The following SPAG16 variants were observed in gnomAD, a reference collection of about 807,000 sequenced individuals.
The protein encoded by SPAG16 is sperm-associated antigen 16 protein.
Under a neutral mutation model 80.4 loss-of-function variants are expected in SPAG16, and 86 were observed. That is an observed-to-expected ratio of 1.07 (90% CI 0.90 to 1.28). The LOEUF (loss-of-function observed/expected upper bound fraction) is 1.28. SPAG16 is among the 50% of genes most tolerant of loss of function. The pLI is 0.00. For synonymous variants in SPAG16, 294 were observed against 265.9 expected (o/e 1.11, Z -1.03); for missense variants, 870 against 765.3 (o/e 1.14, Z -1.61).
At chr2:214,200,741 T>A (rs1003295854) in intron 15 of SPAG16, among the ~76,000 whole-genome samples, 12 of 152,180 alleles carry the variant, frequency 7.9e-5, no homozygotes, top group African/African-American at 2.9e-4. Flanking sequence ...AATTCAAAGT[T>A]TATAAATTCG....
intron 10 of SPAG16, among the ~76,000 whole-genome samples, chr2:213,540,988 C>T (rs1214594945): frequency 6.6e-6 from 1 of 152,236 alleles, no homozygotes; most frequent in East Asian, 1.9e-4. Context: ...CACGCAGGTG[C>T]ACTCGTAGAG....
chr2:213,687,888 A>T (rs2064760634), intron 10 of SPAG16, among the ~76,000 whole-genome samples: 2 of 152,176 alleles, frequency 1.3e-5, no homozygotes, highest in South Asian at 4.1e-4. Flanking sequence ...TGACAAAAAG[A>T]TTCAAACTCT....
intron 12 of SPAG16, among the ~76,000 whole-genome samples, chr2:213,935,686 A>AT (rs2078959006): frequency 1.3e-5 from 2 of 152,212 alleles, no homozygotes; most frequent in Non-Finnish European, 2.9e-5. Flanking sequence ...AAGGATTTAA[A>AT]TTTTATGTTA....
chr2:214,001,027 A>G (rs146445327), intron 12 of SPAG16, among the ~76,000 whole-genome samples: 127 of 152,296 alleles, frequency 8.3e-4, no homozygotes, highest in African/African-American at 2.5e-3. Flanking sequence ...GATCTCTTTC[A>G]GGAGGTAGAT....
At chr2:213,690,456 C>A (rs1334794118) in intron 10 of SPAG16, among the ~76,000 whole-genome samples, 1 of 152,182 alleles carries the variant, frequency 6.6e-6, no homozygotes, top group Non-Finnish European at 1.5e-5. Context: ...TACCTAATCT[C>A]ATTCATGAGT....
At chr2:214,117,816 T>C (rs2054015066) in intron 14 of SPAG16, among the ~76,000 whole-genome samples, 1 of 152,070 alleles carries the variant, frequency 6.6e-6, no homozygotes. Context: ...CCCTTTATAA[T>C]AAAAACCCTG....
At chr2:213,357,550 G>A (rs979563112) in intron 7 of SPAG16, among the ~76,000 whole-genome samples, 20 of 152,070 alleles carry the variant, frequency 1.3e-4, no homozygotes, top group African/African-American at 4.8e-4. Context: ...TGGTTTTAAA[G>A]TCGTTTTATC....
At chr2:213,351,363 T>G (rs1167334335) in intron 7 of SPAG16, among the ~76,000 whole-genome samples, 1 of 152,078 alleles carries the variant, frequency 6.6e-6, no homozygotes, top group Non-Finnish European at 1.5e-5. Context: ...GACATACCAT[T>G]TAAGATTGCT....
At chr2:214,241,421 C>T (rs1689473809) in intron 15 of SPAG16, 1 of 151,246 alleles carries the variant, frequency 6.6e-6, no homozygotes, top group South Asian at 2.1e-4. Flanking sequence ...CCTTTGCAGA[C>T]TTTAATGTTG....
At chr2:213,302,085 A>G (rs561260990) in intron 3 of SPAG16, among the ~76,000 whole-genome samples, 1 of 152,296 alleles carries the variant, frequency 6.6e-6, no homozygotes, top group Admixed American at 6.5e-5. Context: ...TGTCAACTTT[A>G]GAATGTTCAT....
chr2:213,936,387 T>C (rs1262508595), intron 12 of SPAG16, among the ~76,000 whole-genome samples: 1 of 152,184 alleles, frequency 6.6e-6, no homozygotes, highest in Non-Finnish European at 1.5e-5. Flanking sequence ...CAGAAGAGTC[T>C]CAATCTGTTT....
At chr2:214,039,652 A>G (rs896272387) in intron 13 of SPAG16, among the ~76,000 whole-genome samples, 4 of 152,210 alleles carry the variant, frequency 2.6e-5, no homozygotes, top group African/African-American at 7.2e-5. Context: ...CTGTTTTTCC[A>G]TAGCATTGAT....
At chr2:213,495,973 G>A (rs2074467032) in intron 10 of SPAG16, among the ~76,000 whole-genome samples, 1 of 152,050 alleles carries the variant, frequency 6.6e-6, no homozygotes, top group Non-Finnish European at 1.5e-5. Context: ...TATAAATCAT[G>A]GTAAAGAGGA....
chr2:213,621,505 T>A (rs1559317594), intron 10 of SPAG16, among the ~76,000 whole-genome samples: 3 of 152,174 alleles, frequency 2.0e-5, no homozygotes, highest in Admixed American at 1.3e-4. Context: ...AATTATTTAA[T>A]TTCAGGAGGC....
chr2:214,059,668 T>C (rs1407401999), intron 13 of SPAG16, among the ~76,000 whole-genome samples: 1 of 152,182 alleles, frequency 6.6e-6, no homozygotes, highest in Non-Finnish European at 1.5e-5. Context: ...TCAGTTCTAG[T>C]AATAATTTAT....
intron 10 of SPAG16, among the ~76,000 whole-genome samples, chr2:213,589,196 G>A (rs1576098916): frequency 6.6e-6 from 1 of 152,098 alleles, no homozygotes; most frequent in Non-Finnish European, 1.5e-5. Context: ...GTTGTGTTGG[G>A]CTAATGTAAA....
intron 15 of SPAG16, among the ~76,000 whole-genome samples, chr2:214,318,395 T>TG (rs1270728969): frequency 6.9e-6 from 1 of 144,560 alleles, no homozygotes; most frequent in Non-Finnish European, 1.5e-5. Context: ...TTTTTTTTTT[T>TG]TTTTGAGACA....
rs180945510 is a variant in SPAG16, at chr2:213,812,168, A to C, written c.1071-50317A>C. On this transcript the variant is annotated intron_variant, in intron 10 of 15. Coordinates refer to ENST00000331683, the MANE Select transcript of SPAG16 (RefSeq NM_024532.5). ...CTGTTAGGACAAAGTAGAATCACAG[A>C]ATGAGAGGAACTTAGGTGCTTGAAA... is the stretch of plus-strand genomic sequence containing the variant. Among the ~76,000 whole-genome samples, 147 of 152,296 alleles carry C rather than the reference A, an allele frequency of 9.7e-4. 1 individual carries two copies. Among genetic ancestry groups the C allele is most frequent in the Non-Finnish European group, 1.6e-3 (111 of 68,016 alleles).
chr2:213,628,171 T>TAGGCC (rs2062025563), intron 10 of SPAG16, among the ~76,000 whole-genome samples: 1 of 152,198 alleles, frequency 6.6e-6, no homozygotes, highest in African/African-American at 2.4e-5. Flanking sequence ...AATATCCAGT[T>TAGGCC]AGAGTTCAAT....
Sources: allele counts gnomAD v4.1 joint callset (sites outside exome capture counted in the v4.1 genomes callset), GRCh38; gene constraint gnomAD v4.1.1; transcripts MANE v1.5; gene names NCBI Gene and HGNC (gene_info 2026-07-23, HGNC 2026-07-21).